Variants in VPS54 observed in about 807,000 individuals in gnomAD.
The protein encoded by VPS54 is VPS54 subunit of GARP complex.
Under a neutral mutation model 121.5 loss-of-function variants are expected in VPS54, and 45 were observed. The observed-to-expected ratio is 0.37, with a 90% CI of 0.29 to 0.47. The LOEUF (loss-of-function observed/expected upper bound fraction) is 0.47. Ranked by LOEUF, VPS54 falls within the 20% of genes least tolerant of loss-of-function variation. VPS54 has a pLI of 0.99. For missense variants in VPS54, 1,090 were observed against 1,131.4 expected (o/e 0.96, Z 0.52); for synonymous variants, 371 against 385.8 (o/e 0.96, Z 0.45).
At position 63,962,232 on chromosome 2, in the gene VPS54, G is replaced by T. The variant is rs754237379; in HGVS notation, c.836C>A (p.Thr279Asn). The T allele has an allele frequency of 1.2e-6, 2 of 1,613,878 alleles. No homozygotes were observed. The highest frequency in any genetic ancestry group is 1.3e-5 in the African/African-American group (1 of 74,906). ...GTATACTTTAACACAATTATTTCTG[G>T]TAAGTGCCAGTCTTAAAATGTGGAG... is the stretch of plus-strand genomic sequence containing the variant. The part of the protein sequence containing the change: ...GSLHILRLAL[T>N]RNNCVKVYNK... Residue 279 changes from threonine to asparagine, a missense_variant, in exon 7 of 23, where the codon ACC becomes AAC. By Grantham distance (65) the Thr-to-Asn change is moderately conservative. Transcript: ENST00000272322.
intron 1 of VPS54, among the ~76,000 whole-genome samples, chr2:64,013,609 G>C (rs987489572): frequency 1.9e-4 from 27 of 142,794 alleles, no homozygotes; most frequent in African/African-American, 6.5e-4. Flanking sequence ...TATATCATAT[G>C]ATATATATCA....
At chr2:63,998,991 G>A (rs1677743204) in intron 1 of VPS54, among the ~76,000 whole-genome samples, 1 of 152,024 alleles carries the variant, frequency 6.6e-6, no homozygotes, top group African/African-American at 2.4e-5. Flanking sequence ...CTGTCACCCA[G>A]GCTGGAGTGC....
chr2:63,962,185 T>G lies in VPS54; in HGVS notation c.883A>C (p.Thr295Pro). The change falls in exon 7 of 23, where the codon ACT (threonine) becomes CCT (proline). Residue 295 changes from threonine to proline, a missense_variant. By Grantham distance (38) the Thr-to-Pro change is conservative. This residue lies in a region of VPS54 where 801 missense variants were observed against 757.0 expected (regional missense o/e 1.06). Coordinates refer to ENST00000272322, the MANE Select transcript of VPS54 (RefSeq NM_016516.3). ...KVYNKLKLMA[T>P]VHQTQPTVQV... is the part of the protein sequence containing the mutation. ...ACTGTAGGCTGAGTCTGGTGTACAG[T>G]GGCCATTAACTTCAGCTTATTGTAT... 1 of 1,614,008 alleles carries G rather than the reference T, an allele frequency of 6.2e-7. No individual in the cohort carries two copies. The highest frequency in any genetic ancestry group is 8.5e-7 in the Non-Finnish European group (1 of 1,179,884).
intron 1 of VPS54, among the ~76,000 whole-genome samples, chr2:64,008,619 C>G (rs1243915515): frequency 6.6e-6 from 1 of 152,134 alleles, no homozygotes; most frequent in Non-Finnish European, 1.5e-5. Context: ...AGAAAATAAG[C>G]AGGCTGACCT....
chr2:63,925,925 T>C (rs960029679), intron 12 of VPS54, among the ~76,000 whole-genome samples: 25 of 152,208 alleles, frequency 1.6e-4, no homozygotes, highest in South Asian at 2.1e-4. Context: ...TGCTAGTTAA[T>C]TGAGCTGAGC....
intron 12 of VPS54, among the ~76,000 whole-genome samples, chr2:63,929,204 G>C (rs1674066466): frequency 6.6e-6 from 1 of 152,152 alleles, no homozygotes; most frequent in African/African-American, 2.4e-5. Context: ...CAAATCAACA[G>C]AATATACATT....
At chr2:63,917,070 G>GA (rs1040824835) in intron 15 of VPS54, 107 bp from the exon 16 acceptor site, 25 of 1,048,552 alleles carry the variant, frequency 2.4e-5, no homozygotes, top group Non-Finnish European at 3.6e-5. Context: ...TCTCATTTCT[G>GA]AAAATAAACA....
At chr2:63,979,387 C>A (rs1676699834) in intron 3 of VPS54, among the ~76,000 whole-genome samples, 1 of 151,884 alleles carries the variant, frequency 6.6e-6, no homozygotes, top group Non-Finnish European at 1.5e-5. Flanking sequence ...TTACAGGCAC[C>A]TGCCATCATG....
chr2:63,927,022 C>T (rs1048998400), intron 12 of VPS54, among the ~76,000 whole-genome samples: 1 of 152,182 alleles, frequency 6.6e-6, no homozygotes, highest in Non-Finnish European at 1.5e-5. Context: ...CTGGGCAGAG[C>T]ACACCGCAGC....
At chr2:64,003,368 A>G (rs1394377599) in intron 1 of VPS54, among the ~76,000 whole-genome samples, 1 of 152,186 alleles carries the variant, frequency 6.6e-6, no homozygotes, top group Admixed American at 6.5e-5. Flanking sequence ...TAATTGTATG[A>G]ATACTATGTT....
intron 1 of VPS54, among the ~76,000 whole-genome samples, chr2:64,006,055 A>C (rs1203694589): frequency 1.3e-5 from 2 of 152,236 alleles, no homozygotes; most frequent in Non-Finnish European, 2.9e-5. Flanking sequence ...CTAGACTAAA[A>C]TAAATTATGT....
At chr2:63,952,960 G>A (rs1484910949) in intron 7 of VPS54, among the ~76,000 whole-genome samples, 2 of 152,074 alleles carry the variant, frequency 1.3e-5, no homozygotes, top group East Asian at 3.9e-4. Context: ...GACCAATGGA[G>A]AATGGTTGAA....
At chr2:63,931,398 A>G (rs192261700) in intron 12 of VPS54, among the ~76,000 whole-genome samples, 4 of 152,336 alleles carry the variant, frequency 2.6e-5, no homozygotes, top group Admixed American at 2.0e-4. Context: ...CATACAAGCA[A>G]TGGGGAAAAG....
chr2:64,008,610 G>C (rs1405749379), intron 1 of VPS54, among the ~76,000 whole-genome samples: 2 of 152,278 alleles, frequency 1.3e-5, no homozygotes, highest in Middle Eastern at 6.8e-3. Flanking sequence ...TCAACAGTGA[G>C]AAAATAAGCA....
In VPS54 at chr2:63,983,745, C is replaced by G. The variant is rs542618731; in HGVS notation, c.136+119G>C. 1.5e-4 allele frequency: 201 copies of G among 1,345,786 alleles called. 3 individuals are homozygous for G. The South Asian group carries it at 3.0e-3, about 20-fold the overall frequency. The allele number at this position is 1,345,786 out of a possible 1,614,324, so 83.4% of individuals were successfully genotyped here. On this transcript the variant is annotated intron_variant, in intron 2 of 22. Coordinates refer to ENST00000272322, the MANE Select transcript of VPS54 (RefSeq NM_016516.3). ...GCGTGAGCCACCGTGCCCGGCCCCC[C>G]CAAATGATTTTTAACATCATAAAAT...
At chr2:63,921,994 A>G (rs1054588601) in intron 12 of VPS54, among the ~76,000 whole-genome samples, 1 of 152,222 alleles carries the variant, frequency 6.6e-6, no homozygotes, top group African/African-American at 2.4e-5. Flanking sequence ...AAGGAATGTT[A>G]TTTCATGACA....
At chr2:64,002,080 G>A (rs1677909248) in intron 1 of VPS54, among the ~76,000 whole-genome samples, 1 of 152,206 alleles carries the variant, frequency 6.6e-6, no homozygotes, top group Admixed American at 6.5e-5. Context: ...CCCTCCATGT[G>A]TGGGCATCAG....
chr2:64,017,261 C>T (rs1430566499), intron 1 of VPS54, among the ~76,000 whole-genome samples: 1 of 150,020 alleles, frequency 6.7e-6, no homozygotes. Context: ...CACTTGAAGC[C>T]GGTAGGCGGA....
chr2:63,947,922 G>T (rs891007620), intron 8 of VPS54, among the ~76,000 whole-genome samples: 1 of 151,928 alleles, frequency 6.6e-6, no homozygotes, highest in Non-Finnish European at 1.5e-5. Flanking sequence ...CTGCAGCCTT[G>T]ATCTCCCAGG....
Sources: allele counts gnomAD v4.1 joint callset (sites outside exome capture counted in the v4.1 genomes callset), GRCh38; gene constraint gnomAD v4.1.1; regional missense constraint gnomAD v4.1.1; transcripts MANE v1.5; gene names NCBI Gene and HGNC (gene_info 2026-07-23, HGNC 2026-07-21).